The following LRP1B variants were observed in gnomAD, a reference collection of about 807,000 sequenced individuals.
LRP1B encodes the protein LDL receptor related protein 1B.
LRP1B carries 217 observed loss-of-function variants against 556.6 expected under a neutral mutation model. That is an observed-to-expected ratio of 0.39 (90% CI 0.35 to 0.44). The LOEUF (loss-of-function observed/expected upper bound fraction) is 0.44, where lower values mean the gene tolerates loss of function less well. Ranked by LOEUF, LRP1B falls within the 20% of genes least tolerant of loss-of-function variation. The pLI, the probability that LRP1B is intolerant of heterozygous loss-of-function variation, is 1.00. For synonymous variants in LRP1B, 2,047 were observed against 1,865.8 expected (o/e 1.10, Z -2.50); for missense variants, 5,053 against 5,620.8 (o/e 0.90, Z 3.23).
At chr2:140,467,949 G>T (rs1687617379) in intron 60 of LRP1B, among the ~76,000 whole-genome samples, 1 of 152,202 alleles carries the variant, frequency 6.6e-6, no homozygotes, top group Admixed American at 6.5e-5. Flanking sequence ...TGTTAAGAAT[G>T]AACAAACATT....
At chr2:141,142,852 A>G (rs191173047) in intron 7 of LRP1B, among the ~76,000 whole-genome samples, 152 of 151,632 alleles carry the variant, frequency 1.0e-3, no homozygotes, top group Non-Finnish European at 1.5e-3. Flanking sequence ...ACATTCATCA[A>G]TGTTGCACCT....
At chr2:142,007,966 C>T (rs1322803705) in intron 1 of LRP1B, among the ~76,000 whole-genome samples, 1 of 152,178 alleles carries the variant, frequency 6.6e-6, no homozygotes, top group Non-Finnish European at 1.5e-5. Context: ...GTCACCTACA[C>T]CCTAGTAAGG....
At chr2:140,383,211 CA>C (rs1205815876) in intron 67 of LRP1B, among the ~76,000 whole-genome samples, 1 of 151,898 alleles carries the variant, frequency 6.6e-6, no homozygotes, top group East Asian at 1.9e-4. Flanking sequence ...AAATGTAAAT[CA>C]AAGTTCATAA....
At chr2:140,590,450 C>T (rs1362960712) in intron 43 of LRP1B, among the ~76,000 whole-genome samples, 1 of 151,438 alleles carries the variant, frequency 6.6e-6, no homozygotes, top group Non-Finnish European at 1.5e-5. Flanking sequence ...GCCCTGACTC[C>T]CAATATGACT....
In LRP1B at chr2:141,822,130, C is replaced by CACAGAGAGAGAGAGAGAGAGAG. The variant is rs374369026; in HGVS notation, c.83-11730_83-11729insCTCTCTCTCTCTCTCTCTCTGT. Among the ~76,000 whole-genome samples, 155 of 95,852 alleles carry CACAGAGAGAGAGAGAGAGAGAG rather than the reference C, an allele frequency of 1.6e-3. 1 individual carries two copies. Among genetic ancestry groups the CACAGAGAGAGAGAGAGAGAGAG allele is most frequent in the African/African-American group, 2.8e-3 (63 of 22,410 alleles). The allele number at this position is 95,852 out of a possible 152,430, so 62.9% of individuals were successfully genotyped here. On this transcript the variant is annotated intron_variant, in intron 1 of 90. Transcript: ENST00000389484. Reference sequence around the variant, plus strand: ...ACACACACACACACACACACACACACAGAGAGAGAGAGAGAGAGAGAGAGA... The same window carrying CACAGAGAGAGAGAGAGAGAGAG: ...ACACACACACACACACACACACACACACAGAGAGAGAGAGAGAGAGAGAGAGAGAGAGAGAGAGAGAGAGAGA...
At chr2:141,813,021 GAATA>G (rs1329521672) in intron 1 of LRP1B, among the ~76,000 whole-genome samples, 1 of 151,982 alleles carries the variant, frequency 6.6e-6, no homozygotes, top group African/African-American at 2.4e-5. Flanking sequence ...AATAACAGAC[GAATA>G]AATAGTGAAT....
intron 14 of LRP1B, among the ~76,000 whole-genome samples, chr2:141,006,631 C>A (rs67030660): frequency 0.35 from 52,499 of 151,688 alleles, 9,285 homozygotes; most frequent in East Asian, 0.59. Flanking sequence ...CTATACGGTG[C>A]TAAAAAATTT....
chr2:141,700,954 A>T (rs1691920622), intron 2 of LRP1B, among the ~76,000 whole-genome samples: 1 of 151,844 alleles, frequency 6.6e-6, no homozygotes, highest in Admixed American at 6.6e-5. Context: ...ATCAGCAGCT[A>T]GGTTTGAGAT....
At chr2:141,384,112 T>A (rs1262241863) in intron 3 of LRP1B, among the ~76,000 whole-genome samples, 1 of 152,176 alleles carries the variant, frequency 6.6e-6, no homozygotes, top group Non-Finnish European at 1.5e-5. Flanking sequence ...TATATACATT[T>A]TTTATTTTTT....
At chr2:141,820,619 T>G (rs1451021474) in intron 1 of LRP1B, among the ~76,000 whole-genome samples, 1 of 152,182 alleles carries the variant, frequency 6.6e-6, no homozygotes, top group Non-Finnish European at 1.5e-5. Context: ...TCAATAATTT[T>G]TGTTGTCATG....
At chr2:140,417,423 T>G (rs1446965392) in intron 66 of LRP1B, among the ~76,000 whole-genome samples, 1 of 152,212 alleles carries the variant, frequency 6.6e-6, no homozygotes, top group African/African-American at 2.4e-5. Context: ...GGTACAATTG[T>G]CAAAGAAGAT....
Position 140,372,998 on chromosome 2 carries a change from A to G in LRP1B, c.10768+10T>C, listed in dbSNP as rs868100233. The G allele has an allele frequency of 1.2e-6, 2 of 1,612,562 alleles. No homozygotes were observed. Among genetic ancestry groups the G allele is most frequent in the African/African-American group, 1.3e-5 (1 of 74,978 alleles). On this transcript the variant is annotated intron_variant, in intron 69 of 90. Coordinates refer to ENST00000389484, the MANE Select transcript of LRP1B (RefSeq NM_018557.3). The stretch of plus-strand genomic sequence containing the variant: ...GTTAACTAAATGATATATTACTTCA[A>G]TCCTTTTACCTGGCTCACAGCTTTT...
At chr2:141,692,927 T>C (rs1691599812) in intron 2 of LRP1B, among the ~76,000 whole-genome samples, 1 of 152,052 alleles carries the variant, frequency 6.6e-6, no homozygotes, top group African/African-American at 2.4e-5. Flanking sequence ...TCTGTCATTA[T>C]GCAGCACATG....
chr2:141,793,087 A>T (rs1695675319), intron 2 of LRP1B, among the ~76,000 whole-genome samples: 1 of 151,864 alleles, frequency 6.6e-6, no homozygotes, highest in African/African-American at 2.4e-5. Context: ...CTTTTATTTC[A>T]TGGTTGTACA....
At chr2:141,942,835 C>T (rs1362649105) in intron 1 of LRP1B, among the ~76,000 whole-genome samples, 10 of 152,136 alleles carry the variant, frequency 6.6e-5, no homozygotes, top group Non-Finnish European at 1.3e-4. Context: ...CAGGGGAATG[C>T]CTTGCTTCAG....
At chr2:141,375,332 G>A (rs1689387715) in intron 3 of LRP1B, among the ~76,000 whole-genome samples, 1 of 152,106 alleles carries the variant, frequency 6.6e-6, no homozygotes, top group East Asian at 1.9e-4. Context: ...GTGTTAGTGG[G>A]TCCTAGAGGT....
chr2:141,992,193 G>T (rs1702365509), intron 1 of LRP1B, among the ~76,000 whole-genome samples: 2 of 151,968 alleles, frequency 1.3e-5, no homozygotes. Context: ...ACAGTTGGTT[G>T]ATTCCACAGG....
At chr2:141,196,664 A>G (rs979570994) in intron 6 of LRP1B, among the ~76,000 whole-genome samples, 2 of 152,082 alleles carry the variant, frequency 1.3e-5, no homozygotes, top group African/African-American at 2.4e-5. Flanking sequence ...GCATAATTCT[A>G]CAAAAGAACT....
At chr2:140,741,329 GTA>G (rs1385907283) in intron 35 of LRP1B, among the ~76,000 whole-genome samples, 9 of 152,194 alleles carry the variant, frequency 5.9e-5, no homozygotes, top group African/African-American at 2.2e-4. Flanking sequence ...TGATCAATCA[GTA>G]TATTATATAT....
Sources: allele counts gnomAD v4.1 joint callset (sites outside exome capture counted in the v4.1 genomes callset), GRCh38; gene constraint gnomAD v4.1.1; transcripts MANE v1.5; gene names NCBI Gene and HGNC (gene_info 2026-07-23, HGNC 2026-07-21).